The following SNAP91 variants were observed in gnomAD, a reference collection of about 807,000 sequenced individuals.
SNAP91 encodes the protein synaptosome associated protein 91.
In SNAP91, 27 loss-of-function variants were observed where a neutral mutation model predicts 100.3. The observed-to-expected ratio is 0.27, with a 90% CI of 0.20 to 0.37. The LOEUF (loss-of-function observed/expected upper bound fraction) is 0.37. Among genes scored for constraint, SNAP91 ranks in the 10% least tolerant of loss-of-function variants. The pLI, the probability that SNAP91 is intolerant of heterozygous loss-of-function variation, is 1.00. For missense variants in SNAP91, 986 were observed against 1,123.7 expected (o/e 0.88, Z 1.75); for synonymous variants, 404 against 398.6 (o/e 1.01, Z -0.16).
intron 6 of SNAP91, 100 bp downstream of exon 6, chr6:83,658,899 T>C (rs7752513): frequency 1.2e-6 from 1 of 846,404 alleles, no homozygotes; most frequent in South Asian, 1.7e-5. Context: ...TGAAGATCTA[T>C]AGCTGCTTCC....
intron 2 of SNAP91, among the ~76,000 whole-genome samples, chr6:83,672,153 A>G (rs2098796601): frequency 6.6e-6 from 1 of 152,102 alleles, no homozygotes; most frequent in South Asian, 2.1e-4. Flanking sequence ...AAATTATGAT[A>G]CCTTTACGTG....
intron 16 of SNAP91, among the ~76,000 whole-genome samples, chr6:83,599,282 G>A (rs1422568064): frequency 6.6e-6 from 1 of 152,128 alleles, no homozygotes; most frequent in African/African-American, 2.4e-5. Flanking sequence ...AGAGTTGATT[G>A]ATTTCTTTGA....
chr6:83,628,051 T>C (rs1398618293), intron 8 of SNAP91, among the ~76,000 whole-genome samples: 4 of 151,654 alleles, frequency 2.6e-5, no homozygotes, highest in Non-Finnish European at 5.9e-5. Context: ...TGTGTCATTC[T>C]TATGCCTTTG....
intron 7 of SNAP91, among the ~76,000 whole-genome samples, chr6:83,649,606 A>T (rs986373298): frequency 6.6e-6 from 1 of 152,000 alleles, no homozygotes; most frequent in Non-Finnish European, 1.5e-5. Context: ...TTTTGAGGTG[A>T]AATCTCCCTT....
At chr6:83,678,357 C>G (rs936809128) in intron 2 of SNAP91, among the ~76,000 whole-genome samples, 1 of 152,052 alleles carries the variant, frequency 6.6e-6, no homozygotes, top group African/African-American at 2.4e-5. Flanking sequence ...CCTACTCTAT[C>G]CTCAGAAAAG....
chr6:83,639,906 C>T (rs538769069), intron 8 of SNAP91, among the ~76,000 whole-genome samples: 1 of 152,060 alleles, frequency 6.6e-6, no homozygotes, highest in South Asian at 2.1e-4. Context: ...ACGGTTAAAC[C>T]ATGGCAAAAT....
At chr6:83,598,057 T>C (rs1365618550) in intron 16 of SNAP91, among the ~76,000 whole-genome samples, 1 of 152,172 alleles carries the variant, frequency 6.6e-6, no homozygotes, top group Non-Finnish European at 1.5e-5. Flanking sequence ...GGTATCCTTG[T>C]TGGTGTGCAG....
rs1233549801 is a variant in SNAP91 at position 83,556,388 on chromosome 6, A to G, written c.2632-143T>C. On this transcript the variant is annotated intron_variant, in intron 28 of 29. Transcript: ENST00000369694. ...GAGAGAGAGAGAGAGAGAGAGAGAG[A>G]GAGAGAGAAAAGCATTAGGCAGAAC... The G allele has an allele frequency of 3.8e-4, 193 of 511,936 alleles. 4 individuals carry two copies. The highest frequency in any genetic ancestry group is 3.5e-3 in the African/African-American group (174 of 49,090). The allele number at this position is 511,936 out of a possible 1,614,324, so 31.7% of individuals were successfully genotyped here.
intron 26 of SNAP91, among the ~76,000 whole-genome samples, chr6:83,563,210 T>TCAGG (rs1255126737): frequency 6.6e-6 from 1 of 152,254 alleles, no homozygotes; most frequent in East Asian, 1.9e-4. Context: ...TTGAGGCCTG[T>TCAGG]CAGGGCAGGG....
At chr6:83,655,054 T>C (rs1287570952) in intron 7 of SNAP91, among the ~76,000 whole-genome samples, 1 of 152,170 alleles carries the variant, frequency 6.6e-6, no homozygotes, top group Admixed American at 6.6e-5. Context: ...GCTGAATGTA[T>C]TTAGTGGGCA....
chr6:83,591,709 T>G (rs2093771112), intron 21 of SNAP91, among the ~76,000 whole-genome samples: 1 of 152,312 alleles, frequency 6.6e-6, no homozygotes, highest in East Asian at 1.9e-4. Flanking sequence ...TGTACCTACA[T>G]GTCAAGGTTT....
In SNAP91 at chr6:83,581,405, T is replaced by A. The variant is rs191038930; in HGVS notation, c.2150-806A>T. On this transcript the variant is annotated intron_variant, in intron 23 of 29. Coordinates refer to ENST00000369694, the MANE Select transcript of SNAP91 (RefSeq NM_001242792.2). The stretch of plus-strand genomic sequence containing the variant: ...TCATTGATGGCTCCTGATCACCAAA[T>A]AAGTTACTAATTGTTCAGTTCCTAG... Among the ~76,000 whole-genome samples, 467 of 152,322 alleles carry A rather than the reference T, an allele frequency of 3.1e-3. 2 individuals are homozygous for A. The highest frequency in any genetic ancestry group is 0.011 in the African/African-American group (439 of 41,580).
chr6:83,593,623 T>C lies in SNAP91; in HGVS notation c.1551A>G (p.Pro517=), dbSNP rs1033655. Residue 517 remains proline (P), a synonymous_variant, in exon 18 of 30, where the codon CCA becomes CCG. Coordinates refer to ENST00000369694, the MANE Select transcript of SNAP91 (RefSeq NM_001242792.2). ...CAGGAGAAGGAGCAGTTGCGGGAAC[T>C]GGAGGGGCTGTGCTAGCTGTAGGGG... is the stretch of plus-strand genomic sequence containing the variant. ...VVTPTASTAP[P]VPATAPSPAP... 0.74 allele frequency: 1,189,850 copies of C among 1,607,506 alleles called. 443,150 individuals are homozygous for C. The highest frequency in any genetic ancestry group is 0.9 in the East Asian group (40,210 of 44,666).
intron 28 of SNAP91, among the ~76,000 whole-genome samples, chr6:83,558,556 G>T (rs934203340): frequency 3.3e-5 from 5 of 152,180 alleles, no homozygotes; most frequent in Non-Finnish European, 7.3e-5. Flanking sequence ...CTTTTGAGGG[G>T]CAAAGTGAAG....
Position 83,618,891 on chromosome 6 carries a change from A to C in SNAP91, c.808-1852T>G, listed in dbSNP as rs189579653. On this transcript the variant is annotated intron_variant, in intron 9 of 29. Transcript: ENST00000369694. ...TTTTTTGGCTAAACCTAAGTTTAAA[A>C]CATGGTCTAAGAAAAATGCTATTTT... 6.1e-3 allele frequency among the ~76,000 whole-genome samples: 932 copies of C among 152,190 alleles called. 7 individuals are homozygous for C. Among genetic ancestry groups the C allele is most frequent in the African/African-American group, 0.021 (884 of 41,562 alleles).
At chr6:83,632,012 T>C (rs377085189) in intron 8 of SNAP91, among the ~76,000 whole-genome samples, 72 of 152,264 alleles carry the variant, frequency 4.7e-4, no homozygotes, top group African/African-American at 1.7e-3. Context: ...GATTTAGAGC[T>C]CCTTTTAGCA....
intron 8 of SNAP91, among the ~76,000 whole-genome samples, chr6:83,638,852 C>T (rs549095390): frequency 7.9e-5 from 12 of 152,256 alleles, no homozygotes; most frequent in African/African-American, 1.9e-4. Context: ...GTAGCTCCTA[C>T]GATTCCGATA....
intron 29 of SNAP91, 42 bp downstream of exon 29, chr6:83,556,101 C>T (rs1288754330): frequency 1.8e-6 from 2 of 1,092,748 alleles, no homozygotes; most frequent in African/African-American, 3.1e-5. Flanking sequence ...CATTGTATAG[C>T]TCATTATTAC....
At chr6:83,653,440 G>GT (rs2098282101) in intron 7 of SNAP91, among the ~76,000 whole-genome samples, 1 of 152,048 alleles carries the variant, frequency 6.6e-6, no homozygotes, top group South Asian at 2.1e-4. Flanking sequence ...TCCCAAAGTG[G>GT]TTTTGCCCTC....
Sources: gnomAD v4.1 joint callset for allele counts (sites outside exome capture counted in the v4.1 genomes callset) on GRCh38, gnomAD v4.1.1 for gene constraint, MANE v1.5 for transcripts, NCBI Gene and HGNC (gene_info 2026-07-23, HGNC 2026-07-21) for gene names.